SNX11: variants seen among roughly 807,000 people sequenced by gnomAD.
SNX11 encodes sorting nexin-11.
A neutral mutation model predicts 30.7 loss-of-function variants in SNX11; 19 were observed. That is an observed-to-expected ratio of 0.62 (90% CI 0.43 to 0.91). SNX11 has a LOEUF of 0.91. SNX11 is among the 40% of genes least tolerant of loss of function. The pLI is 0.00. For synonymous variants in SNX11, 112 were observed against 119.0 expected, an observed-to-expected ratio of 0.94 and a Z score of 0.38; for missense variants, 302 against 326.7, an observed-to-expected ratio of 0.92 and a Z score of 0.58.
rs954687339 is a variant in SNX11 at position 48,107,817 on chromosome 17, G to C, written c.-35G>C. On this transcript the variant is annotated 5_prime_UTR_variant, in exon 1 of 7. Coordinates refer to ENST00000359238, the MANE Select transcript of SNX11 (RefSeq NM_013323.3). The stretch of plus-strand genomic sequence containing the variant: ...GGTGGGGCGCGGGCGGTGTCGCTGT[G>C]GGGAGCTGGTGCTGTTCTCAGGTGA... The C allele has an allele frequency of 1.3e-5, 2 of 152,802 alleles. No homozygotes were observed. Among genetic ancestry groups the C allele is most frequent in the African/African-American group, 4.8e-5 (2 of 41,464 alleles). 9.5% of individuals were successfully genotyped at this position (152,802 alleles called of 1,614,324 possible).
At chr17:48,112,249 C>A in intron 2 of SNX11, 164 bp downstream of exon 2, 1 of 737,030 alleles carries the variant, frequency 1.4e-6, no homozygotes, top group South Asian at 1.5e-5. Context: ...ACAGCAGAGG[C>A]ATTCCTAGGA....
At chr17:48,114,010 T>C (rs557949708) in intron 4 of SNX11, among the ~76,000 whole-genome samples, 1 of 151,176 alleles carries the variant, frequency 6.6e-6, no homozygotes, top group East Asian at 2.0e-4. Context: ...TGCCCACCAC[T>C]ATGCCTGCCT....
At chr17:48,113,858 G>GTT (rs1250987104) in intron 4 of SNX11, among the ~76,000 whole-genome samples, 24 of 137,820 alleles carry the variant, frequency 1.7e-4, no homozygotes, top group Admixed American at 6.6e-4. Context: ...GGGAAATAAT[G>GTT]TTTTTTTTTT....
At chr17:48,109,046 C>A (rs1192389171) in intron 1 of SNX11, among the ~76,000 whole-genome samples, 3 of 152,110 alleles carry the variant, frequency 2.0e-5, no homozygotes, top group African/African-American at 7.2e-5. Flanking sequence ...AATTCTCATG[C>A]CTCAGTCTCC....
chr17:48,112,234 A>C lies in SNX11; in HGVS notation c.42+149A>C, dbSNP rs193086095. The stretch of plus-strand genomic sequence containing the variant: ...GCTCAGAATAAAGTCAGGAGAAAGA[A>C]ATCAACAGCAGAGGCATTCCTAGGA... On this transcript the variant is annotated intron_variant, in intron 2 of 6. Transcript: ENST00000359238. 223 of 791,498 alleles carry C rather than the reference A, an allele frequency of 2.8e-4. 1 individual carries two copies. In the African/African-American group the frequency reaches 2.9e-3, roughly 10 times the overall value. 49.0% of individuals were successfully genotyped at this position (791,498 alleles called of 1,614,324 possible).
At chr17:48,118,577 C>CAAA (rs35405067) in intron 4 of SNX11, 127 bp from the exon 5 acceptor site, 122 of 484,256 alleles carry the variant, frequency 2.5e-4, no homozygotes, top group South Asian at 7.3e-4. Flanking sequence ...GACTCCATCT[C>CAAA]AAAAAAAAAA....
intron 4 of SNX11, among the ~76,000 whole-genome samples, chr17:48,117,207 C>G (rs1366114434): frequency 6.6e-6 from 1 of 151,170 alleles, no homozygotes; most frequent in Non-Finnish European, 1.5e-5. Flanking sequence ...AGGCATGTGC[C>G]ACCACGCCTG....
At chr17:48,116,865 C>CTT (rs143715469) in intron 4 of SNX11, among the ~76,000 whole-genome samples, 62 of 139,316 alleles carry the variant, frequency 4.5e-4, no homozygotes, top group South Asian at 9.1e-4. Flanking sequence ...TGCGCCCGGC[C>CTT]TTTTTTTTTT....
intron 4 of SNX11, 133 bp from the exon 5 acceptor site, chr17:48,118,571 C>T (rs1490593499): frequency 6.8e-6 from 4 of 590,052 alleles, no homozygotes; most frequent in Admixed American, 3.1e-5. Flanking sequence ...GAGCGAGACT[C>T]CATCTCAAAA....
intron 4 of SNX11, among the ~76,000 whole-genome samples, chr17:48,117,853 CAAAT>C (rs914332109): frequency 1.3e-5 from 2 of 152,048 alleles, no homozygotes; most frequent in African/African-American, 4.8e-5. Context: ...CATAAGTAAA[CAAAT>C]AAATAAATTA....
chr17:48,111,905 G>A (rs552813901), intron 1 of SNX11, 126 bp from the exon 2 acceptor site: 18 of 702,454 alleles, frequency 2.6e-5, no homozygotes, highest in Non-Finnish European at 4.2e-5. Flanking sequence ...AGTTTTACAA[G>A]AACAAAAAGT....
chr17:48,116,095 T>C (rs1356373236), intron 4 of SNX11, among the ~76,000 whole-genome samples: 1 of 151,996 alleles, frequency 6.6e-6, no homozygotes, highest in Non-Finnish European at 1.5e-5. Flanking sequence ...CCATCTCTAC[T>C]AAAAATACAA....
intron 4 of SNX11, among the ~76,000 whole-genome samples, chr17:48,117,178 C>A (rs2063554380): frequency 6.6e-6 from 1 of 152,014 alleles, no homozygotes; most frequent in South Asian, 2.1e-4. Context: ...CCTCAGCCTC[C>A]CGAGTAGCTG....
In SNX11 at chr17:48,113,486, C is replaced by T. The variant is rs2063511499; in HGVS notation, c.230+85C>T. On this transcript the variant is annotated intron_variant, in intron 4 of 6. Coordinates refer to ENST00000359238, the MANE Select transcript of SNX11 (RefSeq NM_013323.3). ...GAACTGGAGTTGACAATGAAGAGAA[C>T]TTGCAACATACCAGGCACTAAGGAA... 6.8e-6 allele frequency: 6 copies of T among 878,270 alleles called. No individual in the cohort carries two copies. The East Asian group carries it at 1.2e-4, about 18-fold the overall frequency. The allele number at this position is 878,270 out of a possible 1,614,324, so 54.4% of individuals were successfully genotyped here. A position where few individuals can be genotyped will look rare whatever the true frequency, so the allele number is the denominator to read the frequency against.
chr17:48,121,549 C>G lies in SNX11; in HGVS notation c.*41C>G. 1.3e-6 allele frequency: 2 copies of G among 1,598,844 alleles called. No individual in the cohort carries two copies. The highest frequency in any genetic ancestry group is 2.2e-5 in the South Asian group (2 of 89,244). ...CTGAGATGGTCAGAGAAGATGCGGG[C>G]CAGGAGACTTACTCAGGTGGGACTG... On this transcript the variant is annotated 3_prime_UTR_variant, in exon 7 of 7. Coordinates refer to ENST00000359238, the MANE Select transcript of SNX11 (RefSeq NM_013323.3).
intron 4 of SNX11, among the ~76,000 whole-genome samples, chr17:48,116,030 C>T (rs1405224012): frequency 1.3e-5 from 2 of 150,648 alleles, no homozygotes; most frequent in African/African-American, 4.9e-5. Context: ...GAGGCTGAGG[C>T]AGGTGGATCA....
intron 4 of SNX11, among the ~76,000 whole-genome samples, chr17:48,114,294 C>T (rs2063521985): frequency 1.3e-5 from 2 of 150,914 alleles, no homozygotes; most frequent in Admixed American, 6.6e-5. Context: ...GCTGGGATTA[C>T]AGGCATGCGC....
chr17:48,119,160 C>T lies in SNX11; in HGVS notation c.513C>T (p.His171=). Reference sequence around the variant, plus strand: ...AGGAAGAGAGGCAGAGCTCTTCTCACCTGGCTAAAGGAGACCAGCCTAAGA... The same window carrying T: ...AGGAAGAGAGGCAGAGCTCTTCTCATCTGGCTAAAGGAGACCAGCCTAAGA... ...WAQEERQSSS[H]LAKGDQPKSC... The change falls in exon 6 of 7, where the codon CAC becomes CAT. Residue 171 remains histidine (H), a synonymous_variant. Transcript: ENST00000359238. The T allele has an allele frequency of 6.2e-7, 1 of 1,613,860 alleles. No individual in the cohort carries two copies. Among genetic ancestry groups the T allele is most frequent in the South Asian group, 1.1e-5 (1 of 91,066 alleles).
rs914227458 is a variant in SNX11 at position 48,118,620 on chromosome 17, T to G, written c.231-84T>G. ...CTATTTGTATTGATTAGACCTCTTT[T>G]TAAGGGATTTCCTTGATCAGAGGCC... On this transcript the variant is annotated intron_variant, in intron 4 of 6. Coordinates refer to ENST00000359238, the MANE Select transcript of SNX11 (RefSeq NM_013323.3). The G allele has an allele frequency of 8.0e-6, 8 of 1,003,328 alleles. No homozygotes were observed. The East Asian group carries it at 1.9e-4, about 24-fold the overall frequency. The allele number at this position is 1,003,328 out of a possible 1,614,324, so 62.2% of individuals were successfully genotyped here. A position where few individuals can be genotyped will look rare whatever the true frequency, so the allele number is the denominator to read the frequency against.
Sources: gnomAD v4.1 joint callset for allele counts (sites outside exome capture counted in the v4.1 genomes callset) on GRCh38, gnomAD v4.1.1 for gene constraint, MANE v1.5 for transcripts, NCBI Gene and HGNC (gene_info 2026-07-23, HGNC 2026-07-21) for gene names.